The following ABCC8 variants were observed in gnomAD, a reference collection of about 807,000 sequenced individuals.
ABCC8 encodes the protein ATP-binding cassette sub-family C member 8.
ABCC8 carries 137 observed loss-of-function variants against 188.0 expected under a neutral mutation model. That is an observed-to-expected ratio of 0.73 (90% CI 0.63 to 0.84). The LOEUF is 0.84. Among genes scored for constraint, ABCC8 ranks in the 40% least tolerant of loss-of-function variants. The probability of loss-of-function intolerance (pLI) is 0.00; values close to 1 mark genes in which losing one functional copy is unlikely to be tolerated. For synonymous variants in ABCC8, 797 were observed against 846.5 expected (o/e 0.94, Z 1.01); for missense variants, 1,750 against 2,072.7 (o/e 0.84, Z 3.02).
In ABCC8 at chr11:17,409,376, G is replaced by A. The variant is rs575411969; in HGVS notation, c.2695-859C>T. ...CCCTATGCTGGGGTTCAAGGGGCTC[G>A]AGAGTCCTGATCACTGATTCCTCAA... On this transcript the variant is annotated intron_variant, in intron 22 of 38. Transcript: ENST00000389817. Among the ~76,000 whole-genome samples the A allele has an allele frequency of 2.0e-4, 30 of 152,284 alleles. 1 individual carries two copies. In the South Asian group the frequency reaches 5.6e-3, roughly 28 times the overall value.
chr11:17,438,747 G>A (rs149590336), intron 10 of ABCC8, among the ~76,000 whole-genome samples: 236 of 152,292 alleles, frequency 1.5e-3, no homozygotes, highest in African/African-American at 5.1e-3. Context: ...GCAAGGTACA[G>A]CCCACATTGC....
At chr11:17,395,355 C>T (rs549447919) in intron 35 of ABCC8, 80 bp from the exon 36 acceptor site, 15 of 1,548,362 alleles carry the variant, frequency 9.7e-6, no homozygotes, top group African/African-American at 1.4e-5. Flanking sequence ...GGGCAGTGAG[C>T]GAGAGCAGAC....
chr11:17,422,747 A>G (rs1955402554), intron 16 of ABCC8, among the ~76,000 whole-genome samples: 1 of 152,164 alleles, frequency 6.6e-6, no homozygotes, highest in Non-Finnish European at 1.5e-5. Context: ...TTTGGGTTAA[A>G]TCTTACTTCT....
rs748643070 is a variant in ABCC8 at position 17,405,511 on chromosome 11, A to T, written c.3382T>A (p.Cys1128Ser). ...GSILNRFSSD[C>S]NTIDQHIPST... ...CTCTGTACCTGGTCGATGGTGTTAC[A>T]GTCAGATGAAAATCTGTTCAGGATG... Residue 1128 changes from cysteine (C) to serine (S), a missense_variant, in exon 27 of 39, where the codon TGT becomes AGT. By Grantham distance (112) the Cys-to-Ser change is moderately radical. Coordinates refer to ENST00000389817, the MANE Select transcript of ABCC8 (RefSeq NM_000352.6). 1.2e-6 allele frequency: 2 copies of T among 1,614,146 alleles called. No homozygotes were observed. Among genetic ancestry groups the T allele is most frequent in the African/African-American group, 2.7e-5 (2 of 74,946 alleles).
Position 17,427,806 on chromosome 11 carries a change from T to C in ABCC8, c.2116+61A>G, listed in dbSNP as rs1006742978. 13 of 1,596,034 alleles carry C rather than the reference T, an allele frequency of 8.1e-6. No individual in the cohort carries two copies. In the African/African-American group the frequency reaches 1.2e-4, roughly 15 times the overall value. On this transcript the variant is annotated intron_variant, in intron 15 of 38. Transcript: ENST00000389817. This position sits in a 1 kb window ranked among gnomAD's most constrained non-coding sequence, Gnocchi z 5.0. ...CAATAAATGCAGCTTTGTCTTTTTA[T>C]CTCTATGTTATTCAGTGGGACATGG...
chr11:17,426,994 A>T lies in ABCC8; in HGVS notation c.2222+55T>A, dbSNP rs1196703396. 3 of 1,596,716 alleles carry T rather than the reference A, an allele frequency of 1.9e-6. No individual in the cohort carries two copies. In the African/African-American group the frequency reaches 4.0e-5, roughly 21 times the overall value. On this transcript the variant is annotated intron_variant, in intron 16 of 38. Coordinates refer to ENST00000389817, the MANE Select transcript of ABCC8 (RefSeq NM_000352.6). ...AATGTGTGTGCATCCTCAACTGAGG[A>T]GGATGGTTAAAAGGAGATTTCCCCT...
At chr11:17,437,711 C>T (rs1037412741) in intron 10 of ABCC8, among the ~76,000 whole-genome samples, 2 of 152,204 alleles carry the variant, frequency 1.3e-5, no homozygotes, top group African/African-American at 4.8e-5. Context: ...GGTGCCCCGG[C>T]TCTCCCTCAG....
chr11:17,454,714 T>TG (rs1956930197), intron 6 of ABCC8, among the ~76,000 whole-genome samples: 1 of 152,030 alleles, frequency 6.6e-6, no homozygotes, highest in Non-Finnish European at 1.5e-5. Context: ...ATTTCATACA[T>TG]GAAAAAAAGG....
chr11:17,426,564 A>T (rs896738466), intron 16 of ABCC8, among the ~76,000 whole-genome samples: 1 of 152,230 alleles, frequency 6.6e-6, no homozygotes, highest in Non-Finnish European at 1.5e-5. Context: ...TATTGGTTAC[A>T]TCTGGATCTT....
At chr11:17,434,671 G>T (rs59429099) in intron 10 of ABCC8, among the ~76,000 whole-genome samples, 1 of 151,906 alleles carries the variant, frequency 6.6e-6, no homozygotes, top group Non-Finnish European at 1.5e-5. Flanking sequence ...CCCTGGTCAT[G>T]GTTTTTTTAA....
intron 21 of ABCC8, among the ~76,000 whole-genome samples, chr11:17,411,740 C>T (rs1954814186): frequency 6.6e-6 from 1 of 152,146 alleles, no homozygotes; most frequent in African/African-American, 2.4e-5. Flanking sequence ...TTGAACCGGG[C>T]TGGGCCTCTT....
intron 6 of ABCC8, among the ~76,000 whole-genome samples, chr11:17,457,023 T>G (rs941443884): frequency 6.6e-6 from 1 of 152,142 alleles, no homozygotes; most frequent in Non-Finnish European, 1.5e-5. Flanking sequence ...AAGGGGCATC[T>G]AATTCAACCA....
At chr11:17,430,105 AC>A (rs1955777211) in intron 12 of ABCC8, 1 of 155,652 alleles carries the variant, frequency 6.4e-6, no homozygotes, top group Admixed American at 6.2e-5. Flanking sequence ...TAGAGGCATG[AC>A]AGGCTCTTGC....
intron 7 of ABCC8, among the ~76,000 whole-genome samples, chr11:17,449,548 G>A (rs778832102): frequency 2.0e-5 from 3 of 152,212 alleles, no homozygotes; most frequent in Non-Finnish European, 4.4e-5. Flanking sequence ...CCATGGTAAT[G>A]GCCTCCCCGA....
Position 17,470,121 on chromosome 11 carries a change from T to G in ABCC8, c.392A>C (p.Asn131Thr). Reference sequence around the variant, plus strand: ...CCTACCAATTAGCAGCTTGGGGAAGTTGGAAGTCTCGATGTTGTGATAGTA... The same window carrying G: ...CCTACCAATTAGCAGCTTGGGGAAGGTGGAAGTCTCGATGTTGTGATAGTA... ...VVYYHNIETS[N>T]FPKLLIALLV... is the part of the protein sequence containing the mutation. The change falls in exon 3 of 39, where the codon AAC becomes ACC. Residue 131 changes from asparagine to threonine, a missense_variant. Physicochemically the swap from Asn to Thr is moderately conservative, Grantham distance 65. Transcript: ENST00000389817. 6.2e-7 allele frequency: 1 copy of G among 1,614,082 alleles called. No individual in the cohort carries two copies. Among genetic ancestry groups the G allele is most frequent in the East Asian group, 2.2e-5 (1 of 44,850 alleles).
intron 1 of ABCC8, 200 bp from the exon 2 acceptor site, chr11:17,475,227 C>T (rs1275800839): frequency 4.0e-6 from 1 of 251,026 alleles, no homozygotes; most frequent in Non-Finnish European, 6.3e-6. Flanking sequence ...CCCACCACAC[C>T]TTTTTACTGA....
intron 36 of ABCC8, among the ~76,000 whole-genome samples, chr11:17,394,626 T>C (rs1953812679): frequency 6.6e-6 from 1 of 152,134 alleles, no homozygotes; most frequent in Admixed American, 6.5e-5. Context: ...TGTGTGCTGC[T>C]GTGGCCCTGG....
chr11:17,441,794 C>A lies in ABCC8; in HGVS notation c.1630+926G>T, dbSNP rs146972363. Among the ~76,000 whole-genome samples the A allele has an allele frequency of 3.1e-3, 478 of 152,232 alleles. 1 individual carries two copies. The highest frequency in any genetic ancestry group is 0.011 in the African/African-American group (452 of 41,544). On this transcript the variant is annotated intron_variant, in intron 10 of 38. Transcript: ENST00000389817. Reference sequence around the variant, plus strand: ...ACTAAAATTTCAATTTCTAAAAAATCTTTTGGGCTGGGCACAGTGGCTCAT... The same window carrying A: ...ACTAAAATTTCAATTTCTAAAAAATATTTTGGGCTGGGCACAGTGGCTCAT...
intron 3 of ABCC8, among the ~76,000 whole-genome samples, chr11:17,469,684 C>T (rs1291531519): frequency 6.6e-6 from 1 of 152,218 alleles, no homozygotes; most frequent in Non-Finnish European, 1.5e-5. Flanking sequence ...TCCCCTTGCT[C>T]ATTTGGCTTT....
Sources: allele counts gnomAD v4.1 joint callset (sites outside exome capture counted in the v4.1 genomes callset), GRCh38; gene constraint gnomAD v4.1.1; non-coding constraint Gnocchi (gnomAD v3.1); transcripts MANE v1.5; gene names NCBI Gene and HGNC (gene_info 2026-07-23, HGNC 2026-07-21).